Variants in PXDNL observed in about 807,000 individuals in gnomAD.
PXDNL encodes the protein probable oxidoreductase PXDNL.
In PXDNL, 145 loss-of-function variants were observed where a neutral mutation model predicts 150.8. The observed-to-expected ratio is 0.96, with a 90% CI of 0.84 to 1.10. The LOEUF (loss-of-function observed/expected upper bound fraction) is 1.10, where lower values mean the gene tolerates loss of function less well. PXDNL is among the 50% of genes least tolerant of loss of function. The pLI, the probability that PXDNL is intolerant of heterozygous loss-of-function variation, is 0.00. For missense variants in PXDNL, 2,087 were observed against 1,873.9 expected, an observed-to-expected ratio of 1.11 and a Z score of -2.10; for synonymous variants, 757 against 725.7, an observed-to-expected ratio of 1.04 and a Z score of -0.69.
chr8:51,656,991 C>T (rs79753536), intron 1 of PXDNL, among the ~76,000 whole-genome samples: 574 of 152,048 alleles, frequency 3.8e-3, no homozygotes, highest in African/African-American at 0.013. Context: ...TGACTTATGA[C>T]GGGGTTATGT....
chr8:51,692,628 T>C (rs558663671), intron 1 of PXDNL, among the ~76,000 whole-genome samples: 1 of 152,332 alleles, frequency 6.6e-6, no homozygotes, highest in African/African-American at 2.4e-5. Context: ...GAAGAAGTCA[T>C]TGAAGTCAGG....
At chr8:51,415,359 C>T (rs1808767738) in intron 14 of PXDNL, among the ~76,000 whole-genome samples, 1 of 152,110 alleles carries the variant, frequency 6.6e-6, no homozygotes, top group Admixed American at 6.6e-5. Flanking sequence ...CAGGAAGGAT[C>T]ACTGGGGAGG....
Position 51,481,819 on chromosome 8 carries a change from T to G in PXDNL, c.524+1824A>C, listed in dbSNP as rs1285045496. Among the ~76,000 whole-genome samples, 3 of 152,232 alleles carry G rather than the reference T, an allele frequency of 2.0e-5. No individual in the cohort carries two copies. The East Asian group carries it at 5.8e-4, about 29-fold the overall frequency. ...CCTGTGGGTACACAGAAGTCAAGAA[T>G]TGAGGTTTGGGAACCTCCACCTAGA... On this transcript the variant is annotated intron_variant, in intron 6 of 22. Coordinates refer to ENST00000356297, the MANE Select transcript of PXDNL (RefSeq NM_144651.5).
At chr8:51,545,499 G>A (rs574480040) in intron 4 of PXDNL, among the ~76,000 whole-genome samples, 84 of 152,264 alleles carry the variant, frequency 5.5e-4, no homozygotes, top group African/African-American at 1.9e-3. Context: ...CACAGACTGG[G>A]TAATTTATAA....
At chr8:51,657,951 C>A (rs1298844050) in intron 1 of PXDNL, among the ~76,000 whole-genome samples, 1 of 152,110 alleles carries the variant, frequency 6.6e-6, no homozygotes, top group Non-Finnish European at 1.5e-5. Context: ...CCAGGGTACC[C>A]AGGCTCAGTG....
intron 19 of PXDNL, among the ~76,000 whole-genome samples, chr8:51,360,042 CA>C (rs1366137848): frequency 0.014 from 1,186 of 85,506 alleles, 7 homozygotes; most frequent in Middle Eastern, 0.031. Context: ...AAGAGAAAAG[CA>C]AAAAAAAAAA....
intron 19 of PXDNL, among the ~76,000 whole-genome samples, chr8:51,362,266 G>A (rs1180200514): frequency 6.6e-6 from 1 of 152,180 alleles, no homozygotes; most frequent in Non-Finnish European, 1.5e-5. Flanking sequence ...GCTGAATCCA[G>A]TCATGGAAAA....
At chr8:51,324,873 A>T (rs1254094909) in intron 21 of PXDNL, among the ~76,000 whole-genome samples, 1 of 151,792 alleles carries the variant, frequency 6.6e-6, no homozygotes, top group African/African-American at 2.4e-5. Flanking sequence ...AGCATTTTTT[A>T]TGACTGCTTT....
At chr8:51,326,370 C>T (rs536943389) in intron 21 of PXDNL, among the ~76,000 whole-genome samples, 57 of 152,182 alleles carry the variant, frequency 3.7e-4, no homozygotes, top group South Asian at 1.7e-3. Flanking sequence ...TGGTGGCAGG[C>T]ACCTGTAATC....
intron 1 of PXDNL, among the ~76,000 whole-genome samples, chr8:51,744,308 GAGAA>G (rs1037028759): frequency 1.4e-5 from 2 of 142,930 alleles, no homozygotes; most frequent in African/African-American, 5.2e-5. Context: ...AAGAAAGAAA[GAGAA>G]AGAAAGAAAG....
At chr8:51,373,833 C>T (rs1375944728) in intron 18 of PXDNL, among the ~76,000 whole-genome samples, 1 of 152,234 alleles carries the variant, frequency 6.6e-6, no homozygotes, top group Non-Finnish European at 1.5e-5. Flanking sequence ...AGATACCATG[C>T]CCTGGAACAT....
chr8:51,648,572 A>G (rs1210427525), intron 2 of PXDNL, among the ~76,000 whole-genome samples: 1 of 152,208 alleles, frequency 6.6e-6, no homozygotes, highest in Non-Finnish European at 1.5e-5. Flanking sequence ...GGTCTCTAGA[A>G]TTGTGAGAGA....
rs1808632681 is a variant in PXDNL at position 51,411,253 on chromosome 8, T to C, written c.2059A>G (p.Lys687Glu). Reference protein sequence around the residue: ...KQGLTVDLEGKEFRYNDLVSP... With the variant: ...KQGLTVDLEGEEFRYNDLVSP... Reference sequence around the variant, plus strand: ...ATAAAATGGCTTTGTGGCTGACCTTTGCCTTCCAAGTCCACAGTGAGCCCC... The same window carrying C: ...ATAAAATGGCTTTGTGGCTGACCTTCGCCTTCCAAGTCCACAGTGAGCCCC... Residue 687 changes from lysine (K) to glutamate (E), a missense_variant, in exon 16 of 23, where the codon AAA becomes GAA. Coordinates refer to ENST00000356297, the MANE Select transcript of PXDNL (RefSeq NM_144651.5). 6.8e-7 allele frequency: 1 copy of C among 1,467,078 alleles called. No homozygotes were observed. Among genetic ancestry groups the C allele is most frequent in the Non-Finnish European group, 9.0e-7 (1 of 1,108,834 alleles). The allele number at this position is 1,467,078 out of a possible 1,614,324, so 90.9% of individuals were successfully genotyped here.
chr8:51,395,261 C>A (rs1365155265), intron 17 of PXDNL, among the ~76,000 whole-genome samples: 3 of 152,216 alleles, frequency 2.0e-5, no homozygotes, highest in Admixed American at 1.3e-4. Context: ...GGTGAACACA[C>A]TCAACAAAAG....
chr8:51,418,568 T>C (rs1314964387), intron 14 of PXDNL, among the ~76,000 whole-genome samples: 1 of 152,128 alleles, frequency 6.6e-6, no homozygotes, highest in African/African-American at 2.4e-5. Context: ...TTATACAGAG[T>C]TTTGGAAAAT....
chr8:51,355,624 T>C (rs1252378455), intron 19 of PXDNL, among the ~76,000 whole-genome samples: 5 of 152,238 alleles, frequency 3.3e-5, no homozygotes, highest in African/African-American at 1.2e-4. Flanking sequence ...TTCTGTTCTA[T>C]ATTGAAGAGA....
chr8:51,496,476 G>A (rs1338309258), intron 5 of PXDNL, among the ~76,000 whole-genome samples: 1 of 152,156 alleles, frequency 6.6e-6, no homozygotes, highest in Non-Finnish European at 1.5e-5. Context: ...ATCAGGAAAA[G>A]AGGAAGTCAA....
intron 3 of PXDNL, among the ~76,000 whole-genome samples, chr8:51,559,357 C>CTTTTTGATTAAT (rs1441560135): frequency 2.3e-5 from 3 of 129,576 alleles, no homozygotes; most frequent in Non-Finnish European, 4.9e-5. Flanking sequence ...CACCTTCTTT[C>CTTTTTGATTAAT]CTGATTAATT....
chr8:51,696,395 C>T (rs949041044), intron 1 of PXDNL, among the ~76,000 whole-genome samples: 4 of 152,224 alleles, frequency 2.6e-5, no homozygotes, highest in Admixed American at 6.5e-5. Flanking sequence ...AGAAGATTCT[C>T]ACTATGCTGG....
Sources: gnomAD v4.1 joint callset for allele counts (sites outside exome capture counted in the v4.1 genomes callset) on GRCh38, gnomAD v4.1.1 for gene constraint, MANE v1.5 for transcripts, NCBI Gene and HGNC (gene_info 2026-07-23, HGNC 2026-07-21) for gene names.